Variants in HACL1 observed in about 807,000 individuals in gnomAD.
HACL1 encodes 2-hydroxyacyl-CoA lyase 1, also known as 1600020H07Rik.
HACL1 carries 64 observed loss-of-function variants against 74.2 expected under a neutral mutation model. The ratio of observed to expected loss-of-function variants is 0.86; its 90% CI spans 0.70 to 1.06. HACL1 has a LOEUF of 1.06. HACL1 is among the 50% of genes least tolerant of loss of function. The probability of loss-of-function intolerance (pLI) is 0.00; values close to 1 mark genes in which losing one functional copy is unlikely to be tolerated. For missense variants in HACL1, 728 were observed against 719.7 expected (o/e 1.01, Z -0.13); for synonymous variants, 230 against 238.8 (o/e 0.96, Z 0.34).
chr3:15,590,774 C>T (rs2125275752), intron 4 of HACL1, among the ~76,000 whole-genome samples: 1 of 152,252 alleles, frequency 6.6e-6, no homozygotes, highest in South Asian at 2.1e-4. Flanking sequence ...ATTAGGAACT[C>T]TAAAATGTTA....
At position 15,592,487 on chromosome 3, in the gene HACL1, T is replaced by TACATACACACAC. The variant is rs1559561766; in HGVS notation, c.228-808_228-807insGTGTGTGTATGT. On this transcript the variant is annotated intron_variant, in intron 3 of 16. Coordinates refer to ENST00000321169, the MANE Select transcript of HACL1 (RefSeq NM_012260.4). ...ACATACACACACGTATACATACACT[T>TACATACACACAC]GTATACATATACACTTGTATATACA... Among the ~76,000 whole-genome samples the TACATACACACAC allele has an allele frequency of 4.2e-4, 52 of 125,198 alleles. 2 individuals carry two copies. The East Asian group carries it at 5.1e-3, about 12-fold the overall frequency. 82.1% of individuals were successfully genotyped at this position (125,198 alleles called of 152,430 possible).
At chr3:15,567,582 C>T (rs2063458923) in intron 14 of HACL1, among the ~76,000 whole-genome samples, 1 of 151,994 alleles carries the variant, frequency 6.6e-6, no homozygotes, top group Non-Finnish European at 1.5e-5. Context: ...TCTTTCAGTC[C>T]CCAACATTTT....
At chr3:15,591,985 T>C (rs1195877280) in intron 3 of HACL1, among the ~76,000 whole-genome samples, 1 of 149,264 alleles carries the variant, frequency 6.7e-6, no homozygotes, top group Non-Finnish European at 1.5e-5. Context: ...ATACACACTA[T>C]ATACCTATAG....
Position 15,563,468 on chromosome 3 carries a change from C to T in HACL1, c.1594G>A (p.Val532Ile), listed in dbSNP as rs1283215812. Residue 532 changes from valine to isoleucine, a missense_variant, in exon 16 of 17, where the codon GTA becomes ATA. Physicochemically the swap from Val to Ile is conservative, Grantham distance 29 (BLOSUM62 3). Coordinates refer to ENST00000321169, the MANE Select transcript of HACL1 (RefSeq NM_012260.4). Reference sequence around the variant, plus strand: ...TTTTGGAGTTCTTCTGGTGTTTGTACAAAATACCCTTTGCCTCCAAATGCA... The same window carrying T: ...TTTTGGAGTTCTTCTGGTGTTTGTATAAAATACCCTTTGCCTCCAAATGCA... Reference protein sequence around the residue: ...MTAFGGKGYFVQTPEELQKSL... With the variant: ...MTAFGGKGYFIQTPEELQKSL... 1 of 1,610,684 alleles carries T rather than the reference C, an allele frequency of 6.2e-7. No individual in the cohort carries two copies. The highest frequency in any genetic ancestry group is 2.2e-5 in the East Asian group (1 of 44,886).
At chr3:15,561,394 C>A (rs2125218747) in intron 16 of HACL1, among the ~76,000 whole-genome samples, 1 of 152,004 alleles carries the variant, frequency 6.6e-6, no homozygotes, top group Middle Eastern at 3.4e-3. Context: ...GACAGAAAGA[C>A]AAAAATCAAC....
chr3:15,592,055 CGT>C lies in HACL1; in HGVS notation c.228-377_228-376del, dbSNP rs2063914825. Among the ~76,000 whole-genome samples the C allele has an allele frequency of 1.1e-4, 3 of 27,736 alleles. No individual in the cohort carries two copies. The Admixed American group carries it at 1.4e-3, about 13-fold the overall frequency. 18.2% of individuals were successfully genotyped at this position (27,736 alleles called of 152,430 possible). A position where few individuals can be genotyped will look rare whatever the true frequency, so the allele number is the denominator to read the frequency against. ...TACGTATATATACACACACTATATACGTATATATACGTATATACGTATACGTA... is the reference window on the plus strand; with the variant it reads ...TACGTATATATACACACACTATATACATATATACGTATATACGTATACGTA... On this transcript the variant is annotated intron_variant, in intron 3 of 16. Coordinates refer to ENST00000321169, the MANE Select transcript of HACL1 (RefSeq NM_012260.4).
intron 2 of HACL1, 161 bp downstream of exon 2, chr3:15,600,929 G>C: frequency 1.6e-6 from 1 of 631,074 alleles, no homozygotes; most frequent in East Asian, 2.8e-5. Context: ...TTTCTCATCT[G>C]TCAACTTGGT....
chr3:15,565,976 A>G (rs1328638402), intron 14 of HACL1, among the ~76,000 whole-genome samples: 1 of 152,226 alleles, frequency 6.6e-6, no homozygotes, highest in Non-Finnish European at 1.5e-5. Flanking sequence ...TCTAGACATC[A>G]TTAAAAATAT....
rs751295536 is a variant in HACL1 at position 15,564,556 on chromosome 3, A to G, written c.1512T>C (p.Thr504=). 11 of 1,353,200 alleles carry G rather than the reference A, an allele frequency of 8.1e-6. No individual in the cohort carries two copies. The Middle Eastern group carries it at 5.4e-4, about 66-fold the overall frequency. The allele number at this position is 1,353,200 out of a possible 1,614,324, so 83.8% of individuals were successfully genotyped here. Residue 504 remains threonine (T), a synonymous_variant, in exon 15 of 17, where the codon ACT becomes ACC. Transcript: ENST00000321169. ...WKEMLKFQDA[T]AVVPPMCLLP... is the part of the protein sequence containing the mutation. The stretch of plus-strand genomic sequence containing the variant: ...CATTGGTCTTGGTTACTTACACTGC[A>G]GTAGCATCTTGAAATTTTAACATTT...
chr3:15,585,577 G>A (rs1339435682), intron 6 of HACL1, among the ~76,000 whole-genome samples: 1 of 152,156 alleles, frequency 6.6e-6, no homozygotes, highest in Non-Finnish European at 1.5e-5. Flanking sequence ...TAAAATTCAT[G>A]TTCTATTACA....
chr3:15,564,207 C>A (rs933980922), intron 15 of HACL1, among the ~76,000 whole-genome samples: 1 of 152,202 alleles, frequency 6.6e-6, no homozygotes, highest in Admixed American at 6.5e-5. Flanking sequence ...ACAAATAATA[C>A]GTAAACATCC....
At chr3:15,587,057 T>C (rs1464677584) in intron 5 of HACL1, among the ~76,000 whole-genome samples, 1 of 152,206 alleles carries the variant, frequency 6.6e-6, no homozygotes, top group Non-Finnish European at 1.5e-5. Flanking sequence ...TTTATATACT[T>C]TCTTGCTATG....
At chr3:15,580,874 G>C (rs539023174) in intron 8 of HACL1, among the ~76,000 whole-genome samples, 1 of 152,306 alleles carries the variant, frequency 6.6e-6, no homozygotes, top group Non-Finnish European at 1.5e-5. Flanking sequence ...GATTGTAACA[G>C]AGCTAACCCC....
In HACL1 at chr3:15,589,611, G is replaced by A; in HGVS notation, c.310C>T (p.Pro104Ser). Reference sequence around the variant, plus strand: ...GAGGAACCACCAATCACAAGCAAGGGCCTGAAACAATCATTTTTTTAACAA... The same window carrying A: ...GAGGAACCACCAATCACAAGCAAGGACCTGAAACAATCATTTTTTTAACAA... ...GMANANMNCW[P>S]LLVIGGSSER... The change falls in exon 5 of 17, where the codon CCC (proline) becomes TCC (serine). Residue 104 changes from proline to serine, a missense_variant and splice_region_variant. Transcript: ENST00000321169. 1.3e-6 allele frequency: 2 copies of A among 1,594,226 alleles called. No individual in the cohort carries two copies. The highest frequency in any genetic ancestry group is 2.2e-5 in the South Asian group (2 of 90,450).
chr3:15,580,201 C>T (rs2063696825), intron 8 of HACL1, among the ~76,000 whole-genome samples, 156 bp from the exon 9 acceptor site: 1 of 152,170 alleles, frequency 6.6e-6, no homozygotes. Flanking sequence ...GATTTTGGCT[C>T]ACTGTAACCT....
intron 16 of HACL1, 68 bp downstream of exon 16, chr3:15,563,290 G>GCCGT: frequency 9.6e-7 from 1 of 1,041,422 alleles, no homozygotes; most frequent in South Asian, 1.4e-5. Context: ...CTGTTTGGTA[G>GCCGT]ATACTTTTTG....
chr3:15,593,721 G>A (rs1481766924), intron 3 of HACL1, among the ~76,000 whole-genome samples: 4 of 149,088 alleles, frequency 2.7e-5, no homozygotes, highest in African/African-American at 7.4e-5. Flanking sequence ...TAAATATAAC[G>A]TCGACTGATC....
Position 15,563,391 on chromosome 3 carries a change from G to A in HACL1, c.1671C>T (p.Ile557=), listed in dbSNP as rs754151580. The A allele has an allele frequency of 1.2e-6, 2 of 1,613,696 alleles. No homozygotes were observed. Among genetic ancestry groups the A allele is most frequent in the African/African-American group, 1.3e-5 (1 of 75,022 alleles). ...TCCGTGTGGCTTGTGGCTCAATCAT[G>A]ATGTTGATAAGAGAAGGTTTAGTTG... ...ADTTKPSLIN[I]MIEPQATRKA... The change falls in exon 16 of 17, where the codon ATC becomes ATT. Residue 557 remains isoleucine, a synonymous_variant. Transcript: ENST00000321169.
At chr3:15,564,510 G>T (rs377588785) in intron 15 of HACL1, 41 bp downstream of exon 15, 2 of 862,272 alleles carry the variant, frequency 2.3e-6, no homozygotes, top group South Asian at 1.4e-5. Context: ...AGATTAAAAC[G>T]GGAAAGAGAA....
Sources: gnomAD v4.1 joint callset for allele counts (sites outside exome capture counted in the v4.1 genomes callset) on GRCh38, gnomAD v4.1.1 for gene constraint, MANE v1.5 for transcripts, NCBI Gene and HGNC (gene_info 2026-07-23, HGNC 2026-07-21) for gene names.